PRKCB: variants seen among roughly 807,000 people sequenced by gnomAD.
PRKCB encodes the protein protein kinase C beta.
PRKCB carries 13 observed loss-of-function variants against 81.5 expected under a neutral mutation model. That is an observed-to-expected ratio of 0.16 (90% CI 0.10 to 0.25). The LOEUF (loss-of-function observed/expected upper bound fraction) is 0.25, where lower values mean the gene tolerates loss of function less well. PRKCB is among the 10% of genes least tolerant of loss of function. The probability of loss-of-function intolerance (pLI) is 1.00; values close to 1 mark genes in which losing one functional copy is unlikely to be tolerated. For synonymous variants in PRKCB, 335 were observed against 321.4 expected (o/e 1.04, Z -0.45); for missense variants, 509 against 875.7 (o/e 0.58, Z 5.29).
intron 8 of PRKCB, among the ~76,000 whole-genome samples, chr16:24,113,697 G>T (rs575265782): frequency 1.3e-5 from 2 of 152,064 alleles, no homozygotes; most frequent in South Asian, 2.1e-4. Context: ...TTTATGGCAT[G>T]GTTTCTACTA....
At chr16:24,066,963 C>T (rs1314356731) in intron 5 of PRKCB, among the ~76,000 whole-genome samples, 1 of 152,180 alleles carries the variant, frequency 6.6e-6, no homozygotes, top group African/African-American at 2.4e-5. Flanking sequence ...AATCTTCCCA[C>T]CTCAGCCTCC....
chr16:23,895,504 A>G (rs868079858), intron 2 of PRKCB, among the ~76,000 whole-genome samples: 2 of 152,206 alleles, frequency 1.3e-5, no homozygotes, highest in African/African-American at 2.4e-5. Context: ...ATTGGATAGT[A>G]TGCTCGTCTC....
chr16:24,172,870 A>G (rs1967465473), intron 11 of PRKCB, among the ~76,000 whole-genome samples: 1 of 152,174 alleles, frequency 6.6e-6, no homozygotes, highest in Non-Finnish European at 1.5e-5. Context: ...ATTTGCTAAT[A>G]TTTATTGAGA....
intron 2 of PRKCB, among the ~76,000 whole-genome samples, chr16:23,979,031 G>A (rs932846712): frequency 6.6e-6 from 1 of 152,176 alleles, no homozygotes; most frequent in Non-Finnish European, 1.5e-5. Flanking sequence ...TGTACAGGCC[G>A]CATGGGGTGA....
At position 24,032,137 on chromosome 16, in the gene PRKCB, A is replaced by G. The variant is rs777534524; in HGVS notation, c.290A>G (p.Asp97Gly). The stretch of plus-strand genomic sequence containing the variant: ...TTCTGTTGTTTCTCTTGGCTCCAGG[A>G]CCCCCGCAGCAAACACAAGTTTAAG... ...PGADKGPASDDPRSKHKFKIH... is the reference protein window; with the variant it reads ...PGADKGPASDGPRSKHKFKIH... Residue 97 changes from aspartate (D) to glycine (G), a missense_variant and splice_region_variant, in exon 4 of 17, where the codon GAC (aspartate) becomes GGC (glycine). This residue lies in a region of PRKCB where 184 missense variants were observed against 362.9 expected (regional missense o/e 0.51). Coordinates refer to ENST00000643927, the MANE Select transcript of PRKCB (RefSeq NM_002738.7). The G allele has an allele frequency of 1.4e-5, 23 of 1,607,730 alleles. No individual in the cohort carries two copies. Among genetic ancestry groups the G allele is most frequent in the Non-Finnish European group, 3.4e-6 (4 of 1,175,552 alleles).
chr16:24,121,998 T>G (rs1966803636), intron 8 of PRKCB, among the ~76,000 whole-genome samples: 1 of 152,202 alleles, frequency 6.6e-6, no homozygotes, highest in Admixed American at 6.5e-5. Context: ...ATCCTTGCCA[T>G]TGGGGAGCTT....
chr16:24,089,762 G>A (rs1380514351), intron 5 of PRKCB, among the ~76,000 whole-genome samples: 3 of 151,476 alleles, frequency 2.0e-5, no homozygotes, highest in Non-Finnish European at 4.4e-5. Flanking sequence ...GTGACAGAGT[G>A]AGACCTTGTC....
chr16:23,868,981 C>A, intron 2 of PRKCB: 1 of 367,230 alleles, frequency 2.7e-6, no homozygotes, highest in African/African-American at 2.1e-5. Context: ...TTCACAGATG[C>A]CGAAATAGAA....
At position 23,836,175 on chromosome 16, in the gene PRKCB, G is replaced by T; in HGVS notation, c.-1G>T. 6.5e-7 allele frequency: 1 copy of T among 1,548,444 alleles called. No homozygotes were observed. Among genetic ancestry groups the T allele is most frequent in the Non-Finnish European group, 8.7e-7 (1 of 1,151,398 alleles). ...TCGGGCTCCGGCTCCCCGCGCGCAA[G>T]ATGGCTGACCCGGCTGCGGGGCCGC... On this transcript the variant is annotated 5_prime_UTR_variant, in exon 1 of 17. Transcript: ENST00000643927.
chr16:24,211,646 C>A (rs910624115), intron 16 of PRKCB, among the ~76,000 whole-genome samples: 2 of 150,898 alleles, frequency 1.3e-5, no homozygotes, highest in Non-Finnish European at 2.9e-5. Flanking sequence ...GTAACCTCTG[C>A]CTCCTGGGTT....
At chr16:24,047,447 C>A (rs1372753965) in intron 5 of PRKCB, among the ~76,000 whole-genome samples, 1 of 151,998 alleles carries the variant, frequency 6.6e-6, no homozygotes, top group African/African-American at 2.4e-5. Context: ...GGGAAGATGA[C>A]TTGAGCCCAG....
In PRKCB at chr16:24,220,088, A is replaced by C; in HGVS notation, c.*5272A>C. 1 of 1,614,022 alleles carries C rather than the reference A, an allele frequency of 6.2e-7. No individual in the cohort carries two copies. The highest frequency in any genetic ancestry group is 2.2e-5 in the East Asian group (1 of 44,882). On this transcript the variant is annotated 3_prime_UTR_variant, in exon 17 of 17. Transcript: ENST00000643927. ...GAATTTGCTGGCTTCTCTTATACTAACCCAGAGTTTGTCATTAATGTGTAG... is the reference window on the plus strand; with the variant it reads ...GAATTTGCTGGCTTCTCTTATACTACCCCAGAGTTTGTCATTAATGTGTAG...
intron 16 of PRKCB, among the ~76,000 whole-genome samples, chr16:24,195,752 C>A (rs906406759): frequency 2.6e-5 from 4 of 152,114 alleles, no homozygotes; most frequent in Non-Finnish European, 4.4e-5. Context: ...TCTCTGTTGC[C>A]CCAGTCTCGT....
At chr16:24,084,707 A>G (rs540068195) in intron 5 of PRKCB, among the ~76,000 whole-genome samples, 4 of 152,336 alleles carry the variant, frequency 2.6e-5, no homozygotes, top group Non-Finnish European at 5.9e-5. Context: ...AAACAGAACT[A>G]GAAATTAATG....
chr16:24,003,096 C>T (rs1323325374), intron 3 of PRKCB, among the ~76,000 whole-genome samples: 1 of 152,170 alleles, frequency 6.6e-6, no homozygotes, highest in Non-Finnish European at 1.5e-5. Flanking sequence ...CTTCTGGGTT[C>T]CAGGAGCTAC....
rs1342278374 is a variant in PRKCB at position 24,120,735 on chromosome 16, TCA to T, written c.919-3099_919-3098del. 9.0e-5 allele frequency among the ~76,000 whole-genome samples: 9 copies of T among 100,120 alleles called. No individual in the cohort carries two copies. In the East Asian group the frequency reaches 4.3e-3, roughly 47 times the overall value. The allele number at this position is 100,120 out of a possible 152,430, so 65.7% of individuals were successfully genotyped here. A position where few individuals can be genotyped will look rare whatever the true frequency, so the allele number is the denominator to read the frequency against. ...TCTACACTGCAGACAACTGAGTCCA[TCA>T]TTTTTTTTTCTTTTAAGACAGGGTC... is the stretch of plus-strand genomic sequence containing the variant. On this transcript the variant is annotated intron_variant, in intron 8 of 16. Transcript: ENST00000643927.
intron 12 of PRKCB, among the ~76,000 whole-genome samples, chr16:24,178,659 A>G (rs1184897445): frequency 6.6e-6 from 1 of 152,226 alleles, no homozygotes; most frequent in Admixed American, 6.5e-5. Context: ...GGTGGCTTGT[A>G]GATGAGCATG....
intron 2 of PRKCB, among the ~76,000 whole-genome samples, chr16:23,864,373 C>T (rs1471219144): frequency 6.6e-6 from 1 of 152,174 alleles, no homozygotes; most frequent in Non-Finnish European, 1.5e-5. Context: ...GGGAGGATCA[C>T]TTGAGCCCAG....
At chr16:23,900,813 A>G (rs2141721360) in intron 2 of PRKCB, among the ~76,000 whole-genome samples, 1 of 147,728 alleles carries the variant, frequency 6.8e-6, no homozygotes, top group Admixed American at 6.8e-5. Flanking sequence ...TTGCATAACA[A>G]ACAGTGCTGG....
Sources: allele counts gnomAD v4.1 joint callset (sites outside exome capture counted in the v4.1 genomes callset), GRCh38; gene constraint gnomAD v4.1.1; regional missense constraint gnomAD v4.1.1; transcripts MANE v1.5; gene names NCBI Gene and HGNC (gene_info 2026-07-23, HGNC 2026-07-21).